Variants in TMEM178B observed in about 807,000 individuals in gnomAD.
TMEM178B encodes transmembrane protein 178B.
Under a neutral mutation model 31.0 loss-of-function variants are expected in TMEM178B, and 5 were observed. The observed-to-expected ratio is 0.16, with a 90% CI of 0.08 to 0.34. The LOEUF (loss-of-function observed/expected upper bound fraction) is 0.34. Ranked by LOEUF, TMEM178B falls within the 10% of genes least tolerant of loss-of-function variation. TMEM178B has a pLI of 1.00. For missense variants in TMEM178B, 275 were observed against 400.3 expected (o/e 0.69, Z 2.67); for synonymous variants, 164 against 164.0 (o/e 1.00, Z 0.00).
chr7:141,505,868 A>C, the TMEM178B span, among the ~76,000 whole-genome samples: 1 of 152,192 alleles, frequency 6.6e-6, no homozygotes, highest in African/African-American at 2.4e-5. Flanking sequence ...GATGGCCCTC[A>C]AGAGCTTCCC....
At chr7:141,147,125 T>C (rs1328583447) in intron 1 of TMEM178B, among the ~76,000 whole-genome samples, 2 of 152,176 alleles carry the variant, frequency 1.3e-5, no homozygotes, top group East Asian at 3.8e-4. Context: ...AATTGGAAAT[T>C]AGTCAAATGA....
chr7:141,152,912 A>G (rs550043162), intron 1 of TMEM178B, among the ~76,000 whole-genome samples: 3 of 152,356 alleles, frequency 2.0e-5, no homozygotes, highest in South Asian at 4.1e-4. Flanking sequence ...CACTTCACAG[A>G]GATTATTTTA....
At chr7:141,169,171 AT>A (rs1375813026) in intron 1 of TMEM178B, among the ~76,000 whole-genome samples, 2 of 152,054 alleles carry the variant, frequency 1.3e-5, no homozygotes, top group Non-Finnish European at 2.9e-5. Context: ...CCCATTAGTT[AT>A]TTTTCCTGAT....
chr7:141,193,906 C>T (rs1453450211), intron 1 of TMEM178B, among the ~76,000 whole-genome samples: 3 of 152,216 alleles, frequency 2.0e-5, no homozygotes, highest in Admixed American at 2.0e-4. Flanking sequence ...TGTAGGCTGG[C>T]CTCAGGCCAC....
intron 2 of TMEM178B, among the ~76,000 whole-genome samples, chr7:141,277,959 TAAGATATG>T (rs1563139178): frequency 6.6e-6 from 1 of 152,162 alleles, no homozygotes; most frequent in Admixed American, 6.5e-5. Context: ...GTTGGAGAGA[TAAGATATG>T]AAGATATGAA....
downstream of TMEM178B, among the ~76,000 whole-genome samples, chr7:141,483,649 C>G (rs1802513303): frequency 6.6e-6 from 1 of 152,078 alleles, no homozygotes; most frequent in South Asian, 2.1e-4. Flanking sequence ...CGCCCAGAAT[C>G]GTTATTCAGT....
chr7:141,446,343 T>C (rs1291533186), intron 3 of TMEM178B, among the ~76,000 whole-genome samples: 1 of 152,102 alleles, frequency 6.6e-6, no homozygotes, highest in Non-Finnish European at 1.5e-5. Context: ...TTGTCAGAAT[T>C]CCCCATCACT....
chr7:141,086,086 G>T (rs1415230354), intron 1 of TMEM178B, among the ~76,000 whole-genome samples: 10 of 151,882 alleles, frequency 6.6e-5, no homozygotes, highest in Non-Finnish European at 1.5e-4. Flanking sequence ...GCTCAGGCTG[G>T]AGTGCAGTGG....
At chr7:141,380,341 GACT>G (rs1800291832) in intron 2 of TMEM178B, among the ~76,000 whole-genome samples, 1 of 152,134 alleles carries the variant, frequency 6.6e-6, no homozygotes, top group African/African-American at 2.4e-5. Flanking sequence ...TTGAATAGGA[GACT>G]CTATGTTTCT....
chr7:141,193,012 G>A (rs979721152), intron 1 of TMEM178B, among the ~76,000 whole-genome samples: 7 of 152,200 alleles, frequency 4.6e-5, no homozygotes, highest in African/African-American at 1.4e-4. Flanking sequence ...AATGTTAGCT[G>A]CCCATGCCCT....
intron 2 of TMEM178B, among the ~76,000 whole-genome samples, chr7:141,275,066 A>C (rs570915229): frequency 6.6e-6 from 1 of 152,258 alleles, no homozygotes; most frequent in Non-Finnish European, 1.5e-5. Flanking sequence ...GGACTTTATC[A>C]AAATGTAAAG....
Position 141,472,329 on chromosome 7 carries a change from C to T in TMEM178B, c.*1543C>T, listed in dbSNP as rs1327762069. On this transcript the variant is annotated 3_prime_UTR_variant, in exon 4 of 4. Transcript: ENST00000565468. ...CCTCTTGATATTCAAGGCCATGAAT[C>T]CCAAAATAACAGTCTTAGTGGCTAG... 2.0e-5 allele frequency: 3 copies of T among 152,178 alleles called. No homozygotes were observed. Among genetic ancestry groups the T allele is most frequent in the Non-Finnish European group, 4.4e-5 (3 of 68,042 alleles). 9.4% of individuals were successfully genotyped at this position (152,178 alleles called of 1,614,324 possible).
At chr7:141,505,557 C>T in the TMEM178B span, among the ~76,000 whole-genome samples, 1 of 152,158 alleles carries the variant, frequency 6.6e-6, no homozygotes, top group Admixed American at 6.5e-5. Flanking sequence ...TCCTGTTAGT[C>T]ATGAGAGTAA....
At position 141,088,025 on chromosome 7, in the gene TMEM178B, G is replaced by A. The variant is rs148673935; in HGVS notation, c.382+13333G>A. 2.0e-5 allele frequency among the ~76,000 whole-genome samples: 3 copies of A among 152,232 alleles called. No homozygotes were observed. The East Asian group carries it at 5.8e-4, about 29-fold the overall frequency. ...GGGCTGGAAGAGATGCCCAGATGCA[G>A]CCCTGGACAGGCCTGGGCTGAAGGT... On this transcript the variant is annotated intron_variant, in intron 1 of 3. Coordinates refer to ENST00000565468, the MANE Select transcript of TMEM178B (RefSeq NM_001195278.2).
chr7:141,247,186 T>C (rs1229342734), intron 2 of TMEM178B, among the ~76,000 whole-genome samples: 1 of 134,416 alleles, frequency 7.4e-6, no homozygotes, highest in Non-Finnish European at 1.5e-5. Context: ...GATATCTCTC[T>C]ATATATAGGT....
At chr7:141,269,539 A>G (rs1185927630) in intron 2 of TMEM178B, among the ~76,000 whole-genome samples, 1 of 152,216 alleles carries the variant, frequency 6.6e-6, no homozygotes, top group Non-Finnish European at 1.5e-5. Flanking sequence ...ATCTCTTACA[A>G]AAGTATCTTG....
chr7:141,446,102 A>G (rs1801748785), intron 3 of TMEM178B, among the ~76,000 whole-genome samples: 1 of 152,212 alleles, frequency 6.6e-6, no homozygotes, highest in African/African-American at 2.4e-5. Context: ...CTAGGAAATA[A>G]CATCCGGGTT....
intron 2 of TMEM178B, among the ~76,000 whole-genome samples, chr7:141,436,018 C>T (rs915255428): frequency 6.6e-6 from 1 of 152,154 alleles, no homozygotes; most frequent in Admixed American, 6.5e-5. Context: ...CACTCCCCGG[C>T]CAACTTCCTC....
chr7:141,480,098 C>T lies in TMEM178B; in HGVS notation c.*9312C>T, dbSNP rs1240003853. On this transcript the variant is annotated 3_prime_UTR_variant, in exon 4 of 4. Coordinates refer to ENST00000565468, the MANE Select transcript of TMEM178B (RefSeq NM_001195278.2). ...GTGATGTTCTGAGAGGTAAATTTAACAGGGAAGTGGGAGGGGGGATGAAAA... is the reference window on the plus strand; with the variant it reads ...GTGATGTTCTGAGAGGTAAATTTAATAGGGAAGTGGGAGGGGGGATGAAAA... 6.6e-6 allele frequency: 1 copy of T among 151,964 alleles called. No individual in the cohort carries two copies. Among genetic ancestry groups the T allele is most frequent in the East Asian group, 1.9e-4 (1 of 5,194 alleles). The allele number at this position is 151,964 out of a possible 1,614,324, so 9.4% of individuals were successfully genotyped here. A position where few individuals can be genotyped will look rare whatever the true frequency, so the allele number is the denominator to read the frequency against.
Sources: gnomAD v4.1 joint callset for allele counts (sites outside exome capture counted in the v4.1 genomes callset) on GRCh38, gnomAD v4.1.1 for gene constraint, MANE v1.5 for transcripts, NCBI Gene and HGNC (gene_info 2026-07-23, HGNC 2026-07-21) for gene names.